The following DDB2 variants were observed in gnomAD, a reference collection of about 807,000 sequenced individuals.
The protein encoded by DDB2 is damage specific DNA binding protein 2, also known as DNA damage-binding protein 2.
DDB2 carries 27 observed loss-of-function variants against 50.5 expected under a neutral mutation model. The ratio of observed to expected loss-of-function variants is 0.53; its 90% CI spans 0.39 to 0.74. DDB2 has a LOEUF of 0.74. Ranked by LOEUF, DDB2 falls within the 30% of genes least tolerant of loss-of-function variation. The pLI is 0.00. For missense variants in DDB2, 424 were observed against 545.6 expected, an observed-to-expected ratio of 0.78 and a Z score of 2.22; for synonymous variants, 176 against 205.5, an observed-to-expected ratio of 0.86 and a Z score of 1.23.
At chr11:47,219,966 T>C (rs963057449) in intron 3 of DDB2, among the ~76,000 whole-genome samples, 4 of 152,012 alleles carry the variant, frequency 2.6e-5, no homozygotes, top group Non-Finnish European at 5.9e-5. Context: ...TTTTTTATAT[T>C]TTTTAGTGGA....
intron 7 of DDB2, among the ~76,000 whole-genome samples, chr11:47,236,522 G>T (rs573634196): frequency 5.3e-5 from 8 of 152,288 alleles, no homozygotes; most frequent in Admixed American, 2.0e-4. Flanking sequence ...CCAGTTTCCA[G>T]CAGCCAGACC....
intron 3 of DDB2, among the ~76,000 whole-genome samples, chr11:47,224,171 G>A (rs576993076): frequency 3.3e-5 from 5 of 152,158 alleles, no homozygotes; most frequent in South Asian, 2.1e-4. Flanking sequence ...TCTTCTGGTC[G>A]CTTTAAAAAT....
At chr11:47,227,868 G>A (rs771386513) in intron 3 of DDB2, among the ~76,000 whole-genome samples, 10 of 152,034 alleles carry the variant, frequency 6.6e-5, no homozygotes, top group African/African-American at 1.7e-4. Flanking sequence ...CTGGCCAGGC[G>A]TGGTGGATCA....
chr11:47,216,849 C>A lies in DDB2; in HGVS notation c.265-9C>A. ...TTAATTCAACCTAATTCATTTCTCTCTGTGGCAGGGGCTCCAGCAGTCCTT... is the reference window on the plus strand; with the variant it reads ...TTAATTCAACCTAATTCATTTCTCTATGTGGCAGGGGCTCCAGCAGTCCTT... On this transcript the variant is annotated splice_polypyrimidine_tract_variant and intron_variant, in intron 2 of 9. Transcript: ENST00000256996. 1 of 1,613,890 alleles carries A rather than the reference C, an allele frequency of 6.2e-7. No individual in the cohort carries two copies. The highest frequency in any genetic ancestry group is 8.5e-7 in the Non-Finnish European group (1 of 1,179,832).
At chr11:47,238,441 C>T (rs935847930) in intron 9 of DDB2, among the ~76,000 whole-genome samples, 1 of 152,070 alleles carries the variant, frequency 6.6e-6, no homozygotes, top group Non-Finnish European at 1.5e-5. Context: ...TCTGTCCCCC[C>T]GGGCTGGAGT....
At chr11:47,215,391 TTCTAC>T in intron 1 of DDB2, 128 bp downstream of exon 1, 1 of 1,403,498 alleles carries the variant, frequency 7.1e-7, no homozygotes, top group Non-Finnish European at 1.0e-6. Flanking sequence ...CGGCTGTGCA[TTCTAC>T]CTGCAGGTCC....
intron 3 of DDB2, chr11:47,229,852 A>AC (rs1427368455): frequency 5.1e-6 from 2 of 393,188 alleles, no homozygotes; most frequent in Non-Finnish European, 9.6e-6. Context: ...CCTAATAGAG[A>AC]CAGGGTCTTG....
At chr11:47,236,059 A>C (rs1165990443) in intron 7 of DDB2, 1 of 151,994 alleles carries the variant, frequency 6.6e-6, no homozygotes, top group African/African-American at 2.4e-5. Flanking sequence ...TAGCCTCGGA[A>C]GTAGATTGGA....
chr11:47,232,925 A>T lies in DDB2; in HGVS notation c.568A>T (p.Ile190Phe). ...TAGGCTGCAAGACTTTAAAGGCAAC[A>T]TTCTACGAGTTTTTGCCAGCTCAGA... Reference protein sequence around the residue: ...TTRLQDFKGNILRVFASSDTI... With the variant: ...TTRLQDFKGNFLRVFASSDTI... The change falls in exon 4 of 10, where the codon ATT becomes TTT. Residue 190 changes from isoleucine to phenylalanine, a missense_variant. Coordinates refer to ENST00000256996, the MANE Select transcript of DDB2 (RefSeq NM_000107.3). 1.2e-6 allele frequency: 2 copies of T among 1,614,194 alleles called. No homozygotes were observed. Among genetic ancestry groups the T allele is most frequent in the Admixed American group, 3.3e-5 (2 of 60,008 alleles).
At chr11:47,216,511 C>T (rs1449272872) in intron 2 of DDB2, 39 bp downstream of exon 2, 2 of 1,611,780 alleles carry the variant, frequency 1.2e-6, no homozygotes, top group Non-Finnish European at 1.7e-6. Context: ...AGGGTTTACA[C>T]GTGCATTTTT....
At position 47,238,152 on chromosome 11, in the gene DDB2, TC is replaced by T. The variant is rs1233168344; in HGVS notation, c.1206del (p.Met403TrpfsTer29). 1 of 1,612,434 alleles carries T rather than the reference TC, an allele frequency of 6.2e-7. No homozygotes were observed. Among genetic ancestry groups the T allele is most frequent in the Non-Finnish European group, 8.5e-7 (1 of 1,179,172 alleles). On this transcript the variant is annotated frameshift_variant, in exon 9 of 10. Transcript: ENST00000256996. LOFTEE classifies it high-confidence loss of function. Reference sequence around the variant, plus strand: ...TGTCTCTGCAGCTTAATGAATTCAATCCCATGGGGGACACGCTGGCCTCTGC... The same window carrying T: ...TGTCTCTGCAGCTTAATGAATTCAATCCATGGGGGACACGCTGGCCTCTGC... Reference protein sequence around the residue: ...SGISSLNEFNPMGDTLASAMG... With the variant: ...SGISSLNEFNXMGDTLASAMG...
chr11:47,237,128 G>T (rs1231680016), intron 7 of DDB2, among the ~76,000 whole-genome samples: 3 of 152,182 alleles, frequency 2.0e-5, no homozygotes, highest in Non-Finnish European at 4.4e-5. Context: ...ATGGAGACAG[G>T]ATGACAGTGG....
rs766922655 is a variant in DDB2 at position 47,237,969 on chromosome 11, C to T, written c.1156C>T (p.Leu386Phe). ...AAACTCAGGGAAGATGATGTGTCAGCTCTATGACCCAGAATCTTCTGGCAT... is the reference window on the plus strand; with the variant it reads ...AAACTCAGGGAAGATGATGTGTCAGTTCTATGACCCAGAATCTTCTGGCAT... ...DGNSGKMMCQ[L>F]YDPESSGISS... The change falls in exon 8 of 10, where the codon CTC becomes TTC. Residue 386 changes from leucine to phenylalanine, a missense_variant. By Grantham distance (22) the Leu-to-Phe change is conservative (BLOSUM62 0). Transcript: ENST00000256996. The T allele has an allele frequency of 1.2e-6, 2 of 1,614,168 alleles. No homozygotes were observed. Among genetic ancestry groups the T allele is most frequent in the East Asian group, 4.5e-5 (2 of 44,880 alleles).
chr11:47,219,006 G>A (rs1247846830), intron 3 of DDB2, among the ~76,000 whole-genome samples: 12 of 146,720 alleles, frequency 8.2e-5, no homozygotes, highest in East Asian at 6.4e-4. Context: ...GTGCAGTGGC[G>A]CAATCTTGGC....
Position 47,216,199 on chromosome 11 carries a change from A to G in DDB2, c.128-137A>G, listed in dbSNP as rs930945178. Reference sequence around the variant, plus strand: ...TATTTCTGGTGCTCGTTGAGACCACACAGACATGGAAAGGCCGCAGGAGGT... The same window carrying G: ...TATTTCTGGTGCTCGTTGAGACCACGCAGACATGGAAAGGCCGCAGGAGGT... On this transcript the variant is annotated intron_variant, in intron 1 of 9. Coordinates refer to ENST00000256996, the MANE Select transcript of DDB2 (RefSeq NM_000107.3). The G allele has an allele frequency of 3.0e-6, 4 of 1,315,128 alleles. No homozygotes were observed. The African/African-American group carries it at 5.8e-5, about 19-fold the overall frequency. The allele number at this position is 1,315,128 out of a possible 1,614,324, so 81.5% of individuals were successfully genotyped here.
At chr11:47,231,215 G>A (rs1310977103) in intron 3 of DDB2, among the ~76,000 whole-genome samples, 1 of 150,258 alleles carries the variant, frequency 6.7e-6, no homozygotes, top group Non-Finnish European at 1.5e-5. Flanking sequence ...TTAAGCCATT[G>A]ATATTCTCAT....
At chr11:47,217,074 G>A (rs1171900818) in intron 3 of DDB2, 25 bp downstream of exon 3, 17 of 1,605,686 alleles carry the variant, frequency 1.1e-5, no homozygotes, top group African/African-American at 6.7e-5. Context: ...ATGCCAGGTC[G>A]TGCTAAAGAA....
chr11:47,221,320 CTGG>C (rs1953481575), intron 3 of DDB2, among the ~76,000 whole-genome samples: 1 of 151,082 alleles, frequency 6.6e-6, no homozygotes, highest in Non-Finnish European at 1.5e-5. Context: ...GTCGCTCAGG[CTGG>C]AGTGCAGTGG....
At chr11:47,216,535 C>A in intron 2 of DDB2, 63 bp downstream of exon 2, 1 of 1,605,310 alleles carries the variant, frequency 6.2e-7, no homozygotes, top group South Asian at 1.1e-5. Flanking sequence ...ATTGCATGCT[C>A]CCAAATTAGA....
Sources: gnomAD v4.1 joint callset for allele counts (sites outside exome capture counted in the v4.1 genomes callset) on GRCh38, gnomAD v4.1.1 for gene constraint, MANE v1.5 for transcripts, NCBI Gene and HGNC (gene_info 2026-07-23, HGNC 2026-07-21) for gene names.